EPHA5: variants seen among roughly 807,000 people sequenced by gnomAD.
The protein encoded by EPHA5 is EPH receptor A5.
In EPHA5, 60 loss-of-function variants were observed where a neutral mutation model predicts 105.0. The ratio of observed to expected loss-of-function variants is 0.57; its 90% CI spans 0.46 to 0.71. The LOEUF is 0.71. Ranked by LOEUF, EPHA5 falls within the 30% of genes least tolerant of loss-of-function variation. The pLI is 0.00. For synonymous variants in EPHA5, 513 were observed against 449.1 expected (o/e 1.14, Z -1.80); for missense variants, 1,218 against 1,274.7 (o/e 0.96, Z 0.68).
At chr4:65,627,301 C>T (rs1746239631) in intron 2 of EPHA5, among the ~76,000 whole-genome samples, 1 of 152,082 alleles carries the variant, frequency 6.6e-6, no homozygotes, top group Non-Finnish European at 1.5e-5. Flanking sequence ...AAAATGTTTC[C>T]TGATCAAATA....
In EPHA5 at chr4:65,394,565, C is replaced by T. The variant is rs140718473; in HGVS notation, c.1793+9809G>A. Among the ~76,000 whole-genome samples, 136 of 152,162 alleles carry T rather than the reference C, an allele frequency of 8.9e-4. 2 individuals carry two copies. Among genetic ancestry groups the T allele is most frequent in the African/African-American group, 3.1e-3 (129 of 41,524 alleles). On this transcript the variant is annotated intron_variant, in intron 8 of 16. Transcript: ENST00000613740. ...ACAATCAGGTCATCTTTTTAGTATGCTCAATTGAGAGAACAAGATTGAGCA... is the reference window on the plus strand; with the variant it reads ...ACAATCAGGTCATCTTTTTAGTATGTTCAATTGAGAGAACAAGATTGAGCA...
intron 14 of EPHA5, among the ~76,000 whole-genome samples, chr4:65,338,870 T>G (rs570539036): frequency 6.6e-6 from 1 of 152,210 alleles, no homozygotes; most frequent in African/African-American, 2.4e-5. Flanking sequence ...CAAAGTGCAA[T>G]TTAGGTGTTC....
intron 8 of EPHA5, among the ~76,000 whole-genome samples, chr4:65,389,150 T>C (rs891941916): frequency 5.9e-5 from 9 of 152,032 alleles, no homozygotes; most frequent in African/African-American, 2.2e-4. Context: ...CTTATATTTT[T>C]CCTTGCAGCA....
intron 5 of EPHA5, among the ~76,000 whole-genome samples, chr4:65,480,521 C>T (rs148141422): frequency 1.3e-5 from 2 of 152,130 alleles, no homozygotes; most frequent in East Asian, 3.9e-4. Flanking sequence ...TGGCTTTCTG[C>T]TGATGAAAGT....
At chr4:65,561,327 G>T (rs186656494) in intron 3 of EPHA5, among the ~76,000 whole-genome samples, 392 of 152,106 alleles carry the variant, frequency 2.6e-3, no homozygotes, top group African/African-American at 7.8e-3. Context: ...ACTTTATTAC[G>T]CAATCTGCCA....
intron 3 of EPHA5, among the ~76,000 whole-genome samples, chr4:65,576,026 G>C (rs1378523162): frequency 1.3e-5 from 1 of 75,984 alleles, no homozygotes; most frequent in East Asian, 3.8e-4. Flanking sequence ...AAGAAAGAAA[G>C]AAAGAAAGAA....
At chr4:65,517,758 T>C (rs1220843355) in intron 3 of EPHA5, among the ~76,000 whole-genome samples, 1 of 151,936 alleles carries the variant, frequency 6.6e-6, no homozygotes, top group Non-Finnish European at 1.5e-5. Context: ...ATACCTCACA[T>C]TTATTCAAGT....
chr4:65,511,827 T>G (rs1332806294), intron 3 of EPHA5, among the ~76,000 whole-genome samples: 1 of 152,218 alleles, frequency 6.6e-6, no homozygotes, highest in African/African-American at 2.4e-5. Flanking sequence ...TTGTATAAGA[T>G]AATTTATTTC....
chr4:65,592,347 G>T (rs563509706), intron 3 of EPHA5, among the ~76,000 whole-genome samples: 6 of 152,054 alleles, frequency 3.9e-5, no homozygotes, highest in Non-Finnish European at 8.8e-5. Flanking sequence ...GGCCCTGCAA[G>T]CTCAGTGGGA....
chr4:65,385,188 A>C (rs1719961977), intron 8 of EPHA5, among the ~76,000 whole-genome samples: 1 of 151,944 alleles, frequency 6.6e-6, no homozygotes, highest in Non-Finnish European at 1.5e-5. Flanking sequence ...TAATGAAAAA[A>C]TAACATCAAT....
intron 5 of EPHA5, among the ~76,000 whole-genome samples, chr4:65,468,549 AATAT>A (rs1283852144): frequency 9.8e-6 from 1 of 101,538 alleles, no homozygotes; most frequent in South Asian, 3.0e-4. Context: ...ATATATATAT[AATAT>A]ATATATTATA....
intron 3 of EPHA5, among the ~76,000 whole-genome samples, chr4:65,584,126 A>G (rs68169585): frequency 2.0e-5 from 3 of 151,452 alleles, no homozygotes; most frequent in African/African-American, 7.3e-5. Context: ...CATATACCTG[A>G]GTTATTTTTT....
At chr4:65,629,509 T>C (rs1746439251) in intron 2 of EPHA5, among the ~76,000 whole-genome samples, 1 of 152,214 alleles carries the variant, frequency 6.6e-6, no homozygotes, top group African/African-American at 2.4e-5. Context: ...ATATGTATTG[T>C]ATGATCAGAC....
At chr4:65,581,152 G>T (rs1308998796) in intron 3 of EPHA5, among the ~76,000 whole-genome samples, 1 of 151,582 alleles carries the variant, frequency 6.6e-6, no homozygotes, top group Non-Finnish European at 1.5e-5. Context: ...TGCTCCTTTG[G>T]TGACTCGGGT....
intron 5 of EPHA5, among the ~76,000 whole-genome samples, chr4:65,486,920 A>G (rs1294185331): frequency 6.6e-6 from 1 of 152,192 alleles, no homozygotes; most frequent in African/African-American, 2.4e-5. Flanking sequence ...TCTTGAGAAC[A>G]GCATATCCTT....
rs371973459 is a variant in EPHA5 at position 65,351,469 on chromosome 4, T to C, written c.2365A>G (p.Ser789Gly). 6.8e-6 allele frequency: 11 copies of C among 1,613,854 alleles called. No individual in the cohort carries two copies. The highest frequency in any genetic ancestry group is 4.5e-5 in the East Asian group (2 of 44,838). ...DLAARNILIN[S>G]NLVCKVSDFG... is the part of the protein sequence containing the mutation. ...TCAGACACTTTGCACACAAGGTTAC[T>C]GTTGATTAAGATGTTTCTGGCAGCA... The change falls in exon 13 of 17, where the codon AGT (serine) becomes GGT (glycine). Residue 789 changes from serine to glycine, a missense_variant. Ser to Gly is a moderately conservative substitution (Grantham distance 56, BLOSUM62 0). This residue lies in a region of EPHA5 where 971 missense variants were observed against 1,013.5 expected (regional missense o/e 0.96). Coordinates refer to ENST00000613740, the MANE Select transcript of EPHA5 (RefSeq NM_001281766.3).
At chr4:65,446,931 A>G (rs2149098069) in intron 5 of EPHA5, among the ~76,000 whole-genome samples, 1 of 151,866 alleles carries the variant, frequency 6.6e-6, no homozygotes, top group South Asian at 2.1e-4. Context: ...TTCAATAGTT[A>G]GAATTAAAGA....
At chr4:65,561,398 G>T (rs1739002475) in intron 3 of EPHA5, among the ~76,000 whole-genome samples, 1 of 151,984 alleles carries the variant, frequency 6.6e-6, no homozygotes, top group Non-Finnish European at 1.5e-5. Flanking sequence ...ATCCAGGGTA[G>T]TCTCTCATTG....
intron 12 of EPHA5, among the ~76,000 whole-genome samples, chr4:65,352,616 T>C (rs1349446): frequency 0.65 from 99,027 of 151,718 alleles, 32,860 homozygotes; most frequent in East Asian, 0.81. Flanking sequence ...AGGCTCTAAC[T>C]TGACACCTTT....
Sources: allele counts gnomAD v4.1 joint callset (sites outside exome capture counted in the v4.1 genomes callset), GRCh38; gene constraint gnomAD v4.1.1; regional missense constraint gnomAD v4.1.1; transcripts MANE v1.5; gene names NCBI Gene and HGNC (gene_info 2026-07-23, HGNC 2026-07-21).